The following GALNTL6 variants were observed in gnomAD, a reference collection of about 807,000 sequenced individuals.
The protein encoded by GALNTL6 is polypeptide N-acetylgalactosaminyltransferase-like 6.
A neutral mutation model predicts 73.7 loss-of-function variants in GALNTL6; 46 were observed. That is an observed-to-expected ratio of 0.62 (90% CI 0.49 to 0.80). The LOEUF (loss-of-function observed/expected upper bound fraction) is 0.80. Among genes scored for constraint, GALNTL6 ranks in the 30% least tolerant of loss-of-function variants. GALNTL6 has a pLI of 0.00. For missense variants in GALNTL6, 604 were observed against 755.0 expected, an observed-to-expected ratio of 0.80 and a Z score of 2.34; for synonymous variants, 259 against 263.7, an observed-to-expected ratio of 0.98 and a Z score of 0.17.
At chr4:172,034,393 TGC>T (rs1305655509) in intron 2 of GALNTL6, among the ~76,000 whole-genome samples, 6 of 75,412 alleles carry the variant, frequency 8.0e-5, no homozygotes, top group African/African-American at 2.2e-4. Flanking sequence ...AAGGGGAGCG[TGC>T]GTGCGTGTGT....
chr4:172,380,885 GATA>G (rs1400370470), intron 5 of GALNTL6, among the ~76,000 whole-genome samples: 2 of 152,106 alleles, frequency 1.3e-5, no homozygotes, highest in Non-Finnish European at 2.9e-5. Context: ...GCAATAGAAT[GATA>G]ATGAGAATAA....
chr4:171,948,694 T>C (rs1343458524), intron 2 of GALNTL6, among the ~76,000 whole-genome samples: 3 of 152,174 alleles, frequency 2.0e-5, no homozygotes, highest in Admixed American at 6.5e-5. Context: ...ATTAACGCAA[T>C]AATATTATGA....
intron 5 of GALNTL6, chr4:172,666,770 CTGTT>C (rs1193049866): frequency 6.6e-6 from 1 of 152,150 alleles, no homozygotes; most frequent in African/African-American, 2.4e-5. Flanking sequence ...ATCTCCCTCT[CTGTT>C]TGTTATTTAG....
intron 2 of GALNTL6, among the ~76,000 whole-genome samples, chr4:172,015,923 A>ATTTTTTTTTTTTTTT (rs70941375): frequency 1.6e-4 from 7 of 44,052 alleles, no homozygotes; most frequent in East Asian, 8.1e-4. Context: ...ATCTAATAGG[A>ATTTTTTTTTTTTTTT]TTTTTTTTTT....
intron 5 of GALNTL6, among the ~76,000 whole-genome samples, chr4:172,428,854 C>T (rs1731324494): frequency 6.6e-6 from 1 of 152,146 alleles, no homozygotes. Flanking sequence ...CTGTCAGATT[C>T]AGGGGTCTGA....
chr4:172,017,265 C>T (rs946681009), intron 2 of GALNTL6, among the ~76,000 whole-genome samples: 1 of 152,138 alleles, frequency 6.6e-6, no homozygotes, highest in Non-Finnish European at 1.5e-5. Context: ...ATTCACCTTA[C>T]AGCCTCACTC....
chr4:172,600,021 A>T (rs761595395), intron 5 of GALNTL6, among the ~76,000 whole-genome samples: 1 of 152,202 alleles, frequency 6.6e-6, no homozygotes, highest in Non-Finnish European at 1.5e-5. Context: ...ACGACAAAAA[A>T]GTTAACAGGT....
chr4:172,103,020 A>G (rs1359437788), intron 2 of GALNTL6, among the ~76,000 whole-genome samples: 2 of 152,202 alleles, frequency 1.3e-5, no homozygotes, highest in Non-Finnish European at 2.9e-5. Context: ...GGCCTAAGAT[A>G]AGGAGACCTA....
chr4:172,456,527 A>G lies in GALNTL6; in HGVS notation c.553+107838A>G, dbSNP rs182311744. Among the ~76,000 whole-genome samples, 521 of 152,018 alleles carry G rather than the reference A, an allele frequency of 3.4e-3. 3 individuals carry two copies. Among genetic ancestry groups the G allele is most frequent in the South Asian group, 0.011 (54 of 4,810 alleles). ...CATAAATGACCTGATGGAGCTGAAA[A>G]ACACAGCACAAGAACTTTGTGAAGC... is the stretch of plus-strand genomic sequence containing the variant. On this transcript the variant is annotated intron_variant, in intron 5 of 12. Coordinates refer to ENST00000506823, the MANE Select transcript of GALNTL6 (RefSeq NM_001034845.3).
At chr4:171,888,589 G>C (rs534920430) in intron 2 of GALNTL6, among the ~76,000 whole-genome samples, 4 of 151,934 alleles carry the variant, frequency 2.6e-5, no homozygotes, top group Non-Finnish European at 5.9e-5. Context: ...AGATGTAAAG[G>C]AAATACCAAT....
intron 5 of GALNTL6, among the ~76,000 whole-genome samples, chr4:172,404,795 G>C (rs1335585724): frequency 6.6e-6 from 1 of 152,028 alleles, no homozygotes; most frequent in Non-Finnish European, 1.5e-5. Flanking sequence ...TAATTATATT[G>C]CTTCATTTGC....
At chr4:172,959,761 G>A (rs1201765992) in intron 10 of GALNTL6, among the ~76,000 whole-genome samples, 1 of 152,210 alleles carries the variant, frequency 6.6e-6, no homozygotes. Flanking sequence ...CTGCACAGAT[G>A]GGACATGGCT....
chr4:172,915,742 T>C (rs1747469473), intron 8 of GALNTL6, among the ~76,000 whole-genome samples: 1 of 152,166 alleles, frequency 6.6e-6, no homozygotes, highest in South Asian at 2.1e-4. Context: ...GGTCTGAAAT[T>C]GAGGCAGTAA....
At chr4:172,096,891 G>A (rs971440960) in intron 2 of GALNTL6, among the ~76,000 whole-genome samples, 3 of 152,208 alleles carry the variant, frequency 2.0e-5, no homozygotes, top group Non-Finnish European at 2.9e-5. Flanking sequence ...TATGTGTGTA[G>A]AAAGTAGGCT....
chr4:172,427,590 GA>G (rs968094571), intron 5 of GALNTL6, among the ~76,000 whole-genome samples: 1 of 152,032 alleles, frequency 6.6e-6, no homozygotes, highest in African/African-American at 2.4e-5. Context: ...ATAATGTTAG[GA>G]AAAAATATTA....
rs532056835 is a variant in GALNTL6 at position 172,955,670 on chromosome 4, C to T, written c.1371+3412C>T. On this transcript the variant is annotated intron_variant, in intron 10 of 12. Coordinates refer to ENST00000506823, the MANE Select transcript of GALNTL6 (RefSeq NM_001034845.3). ...ATTTTATATTTACTTTCACTCGCGTCCCTGTGAAGACACCACCAAACAGGC... is the reference window on the plus strand; with the variant it reads ...ATTTTATATTTACTTTCACTCGCGTTCCTGTGAAGACACCACCAAACAGGC... Among the ~76,000 whole-genome samples, 9 of 152,222 alleles carry T rather than the reference C, an allele frequency of 5.9e-5. No homozygotes were observed. The South Asian group carries it at 6.2e-4, about 11-fold the overall frequency.
At chr4:172,761,134 T>C (rs2118443) in intron 5 of GALNTL6, among the ~76,000 whole-genome samples, 55,155 of 151,954 alleles carry the variant, frequency 0.36, 10,993 homozygotes, top group African/African-American at 0.52. Context: ...GTCCCTTCTA[T>C]AGCCTGTTCC....
chr4:172,648,881 A>C (rs1024348406), intron 5 of GALNTL6, among the ~76,000 whole-genome samples: 1 of 152,102 alleles, frequency 6.6e-6, no homozygotes, highest in Middle Eastern at 3.2e-3. Flanking sequence ...CAAAATCTTA[A>C]CTTTTTTCCT....
Position 172,952,196 on chromosome 4 carries a change from G to C in GALNTL6, c.1309G>C (p.Val437Leu). The C allele has an allele frequency of 6.2e-7, 1 of 1,614,094 alleles. No homozygotes were observed. ...CKDFKWFMAA[V>L]AWDVPKYYPP... is the part of the protein sequence containing the mutation. ...GGACTTCAAATGGTTCATGGCTGCTGTGGCCTGGGACGTGCCTAAATACTA... is the reference window on the plus strand; with the variant it reads ...GGACTTCAAATGGTTCATGGCTGCTCTGGCCTGGGACGTGCCTAAATACTA... The change falls in exon 10 of 13, where the codon GTG (valine) becomes CTG (leucine). Residue 437 changes from valine to leucine, a missense_variant. By Grantham distance (32) the Val-to-Leu change is conservative. Around this residue, in one of 5 missense-constraint regions of GALNTL6, gnomAD observed 261 missense variants for 296.5 expected, o/e 0.88. Transcript: ENST00000506823.
Sources: gnomAD v4.1 joint callset for allele counts (sites outside exome capture counted in the v4.1 genomes callset) on GRCh38, gnomAD v4.1.1 for gene constraint, gnomAD v4.1.1 regional missense constraint, MANE v1.5 for transcripts, NCBI Gene and HGNC (gene_info 2026-07-23, HGNC 2026-07-21) for gene names.